Variants in KLHL2 observed in about 807,000 individuals in gnomAD.
KLHL2 encodes kelch-like protein 2.
KLHL2 carries 15 observed loss-of-function variants against 75.8 expected under a neutral mutation model. The observed-to-expected ratio is 0.20, with a 90% CI of 0.13 to 0.30. The LOEUF is 0.30. KLHL2 is among the 10% of genes least tolerant of loss of function. The pLI is 1.00. For missense variants in KLHL2, 381 were observed against 741.0 expected, an observed-to-expected ratio of 0.51 and a Z score of 5.64; for synonymous variants, 214 against 251.9, an observed-to-expected ratio of 0.85 and a Z score of 1.42.
At chr4:165,215,102 C>T (rs1266430086) in intron 1 of KLHL2, among the ~76,000 whole-genome samples, 1 of 152,056 alleles carries the variant, frequency 6.6e-6, no homozygotes, top group Non-Finnish European at 1.5e-5. Context: ...GTTTCCATAC[C>T]TAATAAAAGT....
At chr4:165,245,489 A>G (rs2111136778) in intron 4 of KLHL2, among the ~76,000 whole-genome samples, 1 of 152,248 alleles carries the variant, frequency 6.6e-6, no homozygotes, top group South Asian at 2.1e-4. Context: ...ACCACAACCA[A>G]GTAATATTGA....
intron 5 of KLHL2, among the ~76,000 whole-genome samples, chr4:165,266,395 C>A (rs561934033): frequency 6.6e-6 from 1 of 152,132 alleles, no homozygotes; most frequent in African/African-American, 2.4e-5. Flanking sequence ...TGTCTTTGCC[C>A]ATGCCTATGT....
chr4:165,273,606 T>A (rs1040736719), intron 5 of KLHL2, among the ~76,000 whole-genome samples: 12 of 152,178 alleles, frequency 7.9e-5, no homozygotes, highest in African/African-American at 2.7e-4. Flanking sequence ...AATGGGAGTT[T>A]CCCTGCACAA....
intron 5 of KLHL2, among the ~76,000 whole-genome samples, chr4:165,289,256 A>C (rs1051601765): frequency 6.6e-6 from 1 of 152,202 alleles, no homozygotes; most frequent in Non-Finnish European, 1.5e-5. Context: ...GATGTTGCCA[A>C]ATAGTGCCCT....
chr4:165,236,461 C>G (rs1343702754), intron 3 of KLHL2, among the ~76,000 whole-genome samples: 8 of 152,122 alleles, frequency 5.3e-5, no homozygotes, highest in Admixed American at 4.6e-4. Flanking sequence ...AAGTGATTCT[C>G]CTGCTTCAGT....
At chr4:165,224,136 A>G (rs372750106) in intron 2 of KLHL2, 110 of 173,888 alleles carry the variant, frequency 6.3e-4, no homozygotes, top group Middle Eastern at 2.6e-3. Context: ...GGCTGGCCCA[A>G]ATAAGTTTTA....
intron 8 of KLHL2, among the ~76,000 whole-genome samples, chr4:165,300,663 A>G (rs1429876125): frequency 6.6e-6 from 1 of 152,200 alleles, no homozygotes; most frequent in Non-Finnish European, 1.5e-5. Context: ...TTACATCTTT[A>G]TAGTACGACC....
At position 165,308,216 on chromosome 4, in the gene KLHL2, T is replaced by C. The variant is rs1049918164; in HGVS notation, c.1040-2337T>C. 6.6e-5 allele frequency among the ~76,000 whole-genome samples: 10 copies of C among 152,340 alleles called. No homozygotes were observed. The East Asian group carries it at 1.9e-3, about 29-fold the overall frequency. ...TTCTTGGCAAGTTTATTTTTAGGTG[T>C]TTTATCTTTATCGTTACTATCTGAA... On this transcript the variant is annotated intron_variant, in intron 9 of 14. Transcript: ENST00000226725.
At chr4:165,243,277 GT>G (rs1488541985) in intron 4 of KLHL2, among the ~76,000 whole-genome samples, 1 of 152,164 alleles carries the variant, frequency 6.6e-6, no homozygotes, top group African/African-American at 2.4e-5. Flanking sequence ...TTGGGTATTT[GT>G]TTTGGCTTCC....
chr4:165,278,206 G>A lies in KLHL2; in HGVS notation c.544+14847G>A, dbSNP rs769845228. 2.7e-5 allele frequency: 33 copies of A among 1,234,474 alleles called. 1 individual carries two copies. Among genetic ancestry groups the A allele is most frequent in the Middle Eastern group, 3.7e-4 (2 of 5,356 alleles). The allele number at this position is 1,234,474 out of a possible 1,614,324, so 76.5% of individuals were successfully genotyped here. A position where few individuals can be genotyped will look rare whatever the true frequency, so the allele number is the denominator to read the frequency against. Reference sequence around the variant, plus strand: ...GTTCAAACCGCTCCATCGTGACGGCGGACAAATCCTCAGGTTCAAGACTCC... The same window carrying A: ...GTTCAAACCGCTCCATCGTGACGGCAGACAAATCCTCAGGTTCAAGACTCC... On this transcript the variant is annotated intron_variant, in intron 5 of 14. Coordinates refer to ENST00000226725, the MANE Select transcript of KLHL2 (RefSeq NM_007246.4).
intron 5 of KLHL2, among the ~76,000 whole-genome samples, chr4:165,274,101 A>G (rs1012578204): frequency 6.6e-6 from 1 of 152,022 alleles, no homozygotes; most frequent in Admixed American, 6.6e-5. Flanking sequence ...TTTCCCTATC[A>G]TAGGCAGTAG....
At chr4:165,321,640 G>T (rs932049928) in intron 14 of KLHL2, among the ~76,000 whole-genome samples, 3 of 152,026 alleles carry the variant, frequency 2.0e-5, no homozygotes, top group African/African-American at 7.3e-5. Flanking sequence ...TCGGTTCAAG[G>T]GTCAACTGTA....
rs191322643 is a variant in KLHL2, at chr4:165,260,677, G to A, written c.382-2520G>A. The stretch of plus-strand genomic sequence containing the variant: ...ATCTCATTTATTAGTTTCCTCTTTC[G>A]TTTGAATGACTGCAATTGAATGGAT... On this transcript the variant is annotated intron_variant, in intron 4 of 14. Transcript: ENST00000226725. Among the ~76,000 whole-genome samples, 1,050 of 151,510 alleles carry A rather than the reference G, an allele frequency of 6.9e-3. 14 individuals are homozygous for A. The highest frequency in any genetic ancestry group is 0.024 in the African/African-American group (992 of 41,270).
rs544364725 is a variant in KLHL2, at chr4:165,267,404, A to G, written c.544+4045A>G. The stretch of plus-strand genomic sequence containing the variant: ...TGTCCTGTGCTGGTTTTCAAAGGGA[A>G]CGCTTCCAGTTTTTGCCCATTCAGT... On this transcript the variant is annotated intron_variant, in intron 5 of 14. Coordinates refer to ENST00000226725, the MANE Select transcript of KLHL2 (RefSeq NM_007246.4). 4.1e-4 allele frequency among the ~76,000 whole-genome samples: 63 copies of G among 152,188 alleles called. 1 individual carries two copies. The highest frequency in any genetic ancestry group is 1.5e-3 in the African/African-American group (62 of 41,534).
rs185719336 is a variant in KLHL2 at position 165,208,242 on chromosome 4, C to T, written c.26+340C>T. Among the ~76,000 whole-genome samples, 270 of 152,174 alleles carry T rather than the reference C, an allele frequency of 1.8e-3. 1 individual carries two copies. Among genetic ancestry groups the T allele is most frequent in the Non-Finnish European group, 3.4e-3 (230 of 67,980 alleles). On this transcript the variant is annotated intron_variant, in intron 1 of 14. Transcript: ENST00000226725. The stretch of plus-strand genomic sequence containing the variant: ...GGGCACCTGGTGCCGAGTTTGCCTA[C>T]CCCTTTATAAGAGATCAGGCTAGGA...
At chr4:165,295,061 A>G (rs1397669209) in intron 6 of KLHL2, among the ~76,000 whole-genome samples, 2 of 151,938 alleles carry the variant, frequency 1.3e-5, no homozygotes, top group Non-Finnish European at 2.9e-5. Context: ...CTGTGCAGCT[A>G]CTGCTTCTGG....
chr4:165,253,537 G>A (rs907620657), intron 4 of KLHL2, among the ~76,000 whole-genome samples: 3 of 152,218 alleles, frequency 2.0e-5, no homozygotes, highest in African/African-American at 7.2e-5. Flanking sequence ...CACTGTACTT[G>A]ATTGTTTTTC....
chr4:165,289,321 C>A (rs1041670586), intron 5 of KLHL2, among the ~76,000 whole-genome samples: 17 of 151,956 alleles, frequency 1.1e-4, no homozygotes, highest in African/African-American at 3.9e-4. Flanking sequence ...AAAGAAAGCT[C>A]AGTATAAGAA....
At chr4:165,299,738 T>A in intron 8 of KLHL2, 82 bp downstream of exon 8, 1 of 1,248,028 alleles carries the variant, frequency 8.0e-7, no homozygotes. Context: ...TCATTTGAAT[T>A]TCCGTGATTT....
Sources: gnomAD v4.1 joint callset for allele counts (sites outside exome capture counted in the v4.1 genomes callset) on GRCh38, gnomAD v4.1.1 for gene constraint, MANE v1.5 for transcripts, NCBI Gene and HGNC (gene_info 2026-07-23, HGNC 2026-07-21) for gene names.